The following GRHL3 variants were observed in gnomAD, a reference collection of about 807,000 sequenced individuals.
GRHL3 encodes the protein grainyhead like transcription factor 3.
In GRHL3, 20 loss-of-function variants were observed where a neutral mutation model predicts 70.3. The ratio of observed to expected loss-of-function variants is 0.28; its 90% CI spans 0.20 to 0.41. The LOEUF (loss-of-function observed/expected upper bound fraction) is 0.41, where lower values mean the gene tolerates loss of function less well. GRHL3 is among the 10% of genes least tolerant of loss of function. The pLI is 1.00. For synonymous variants in GRHL3, 299 were observed against 299.9 expected (o/e 1.00, Z 0.03); for missense variants, 637 against 762.3 (o/e 0.84, Z 1.94).
chr1:24,349,239 C>T (rs1391276026), intron 14 of GRHL3, among the ~76,000 whole-genome samples: 1 of 152,210 alleles, frequency 6.6e-6, no homozygotes, highest in African/African-American at 2.4e-5. Context: ...GGTCACTCAA[C>T]AAGCCTCTGA....
chr1:24,336,907 G>T, intron 4 of GRHL3, 80 bp downstream of exon 4: 2 of 1,341,986 alleles, frequency 1.5e-6, no homozygotes, highest in Non-Finnish European at 2.1e-6. Context: ...GAACAGATCA[G>T]AGCTTTGGAA....
Position 24,361,164 on chromosome 1 carries a change from G to A in GRHL3, c.1695-3021G>A, listed in dbSNP as rs75509295. The stretch of plus-strand genomic sequence containing the variant: ...CTGGAAGAGGACTGGTCACGGCACT[G>A]GGGCAGAGCCCTAGCTCCACTGGTA... On this transcript the variant is annotated intron_variant, in intron 15 of 15. Transcript: ENST00000350501. The A allele has an allele frequency of 2.0e-3, 1,602 of 816,566 alleles. 22 individuals are homozygous for A. The African/African-American group carries it at 0.025, about 13-fold the overall frequency. The allele number at this position is 816,566 out of a possible 1,614,324, so 50.6% of individuals were successfully genotyped here.
chr1:24,349,862 T>C (rs1640435437), intron 14 of GRHL3, among the ~76,000 whole-genome samples, 196 bp from the exon 15 acceptor site: 2 of 152,228 alleles, frequency 1.3e-5, no homozygotes, highest in Non-Finnish European at 2.9e-5. Context: ...GATGGGAAGA[T>C]GCACACCCAG....
intron 2 of GRHL3, 80 bp downstream of exon 2, chr1:24,331,692 C>A (rs963878211): frequency 8.2e-7 from 1 of 1,214,708 alleles, no homozygotes; most frequent in Non-Finnish European, 1.2e-6. Context: ...CAGCAGCCCA[C>A]CATGACCACC....
chr1:24,352,114 A>T (rs576594167), intron 15 of GRHL3, among the ~76,000 whole-genome samples: 1 of 151,672 alleles, frequency 6.6e-6, no homozygotes, highest in Admixed American at 6.6e-5. Context: ...CACCCCACAC[A>T]CCCCCACGGC....
At chr1:24,329,311 A>C (rs1342434792) in intron 1 of GRHL3, among the ~76,000 whole-genome samples, 2 of 152,030 alleles carry the variant, frequency 1.3e-5, no homozygotes, top group Non-Finnish European at 1.5e-5. Context: ...TGCTGTTCCC[A>C]CTGCAGTCTG....
intron 1 of GRHL3, chr1:24,319,905 G>A (rs1450586871): frequency 2.4e-6 from 1 of 412,434 alleles, no homozygotes; most frequent in African/African-American, 2.0e-5. Flanking sequence ...ATCCCATCGA[G>A]GCTTTCTATC....
Position 24,347,475 on chromosome 1 carries a change from G to C in GRHL3, c.1551G>C (p.Leu517=), listed in dbSNP as rs759828816. The change falls in exon 14 of 16, where the codon CTG becomes CTC. Residue 517 remains leucine (L), a synonymous_variant. Coordinates refer to ENST00000361548, the MANE Select transcript of GRHL3 (RefSeq NM_198173.3). ...AKEGDLQRVL[L]YVRRETEEVF... ...CTGGCCCTTGCTTTTCAGTTCTGCTGTATGTGCGGAGGGAGACTGAGGAGG... is the reference window on the plus strand; with the variant it reads ...CTGGCCCTTGCTTTTCAGTTCTGCTCTATGTGCGGAGGGAGACTGAGGAGG... 20 of 1,613,958 alleles carry C rather than the reference G, an allele frequency of 1.2e-5. No individual in the cohort carries two copies. Among genetic ancestry groups the C allele is most frequent in the Admixed American group, 3.3e-5 (2 of 60,008 alleles).
In GRHL3 at chr1:24,342,009, G is replaced by C; in HGVS notation, c.1048-106G>C. On this transcript the variant is annotated intron_variant, in intron 8 of 15. Transcript: ENST00000361548. The surrounding 1 kb of genome is among the most constrained non-coding windows in gnomAD (Gnocchi z 4.8). Reference sequence around the variant, plus strand: ...CTTCTAGGGGCCTAGTGAGGCTTAAGGGTGAGCAGCAGGCACACAGAAAGC... The same window carrying C: ...CTTCTAGGGGCCTAGTGAGGCTTAACGGTGAGCAGCAGGCACACAGAAAGC... 1 of 1,083,402 alleles carries C rather than the reference G, an allele frequency of 9.2e-7. No individual in the cohort carries two copies. Among genetic ancestry groups the C allele is most frequent in the Non-Finnish European group, 1.3e-6 (1 of 753,956 alleles). The allele number at this position is 1,083,402 out of a possible 1,614,324, so 67.1% of individuals were successfully genotyped here.
downstream of GRHL3, chr1:24,357,487 T>C (rs182689630): frequency 6.5e-6 from 1 of 152,892 alleles, no homozygotes; most frequent in Non-Finnish European, 1.5e-5. Flanking sequence ...TAAATCAGCA[T>C]TTGTGGGTGG....
In GRHL3 at chr1:24,361,034, G is replaced by T. The variant is rs778622982; in HGVS notation, c.1695-3151G>T. On this transcript the variant is annotated intron_variant, in intron 15 of 15. Transcript: ENST00000350501. ...GGCTGAGCAGAGAAGTTCAGGATGG[G>T]GTTTTTCCTTTGGGAAAGATAAAAC... 4.4e-6 allele frequency: 7 copies of T among 1,604,558 alleles called. No homozygotes were observed. The highest frequency in any genetic ancestry group is 5.1e-6 in the Non-Finnish European group (6 of 1,175,156).
intron 15 of GRHL3, among the ~76,000 whole-genome samples, chr1:24,351,146 G>A (rs569270344): frequency 3.3e-5 from 5 of 152,334 alleles, no homozygotes; most frequent in South Asian, 2.1e-4. Context: ...TAACTCGAGC[G>A]ACATTTGCTA....
chr1:24,339,000 C>T lies in GRHL3; in HGVS notation c.953-668C>T, dbSNP rs898791766. On this transcript the variant is annotated intron_variant, in intron 7 of 15. Transcript: ENST00000361548. ...TACTTTTGCTACTGCTCTTACTCCC[C>T]CTATTACTGTTGTTATTACCATACT... Among the ~76,000 whole-genome samples the T allele has an allele frequency of 3.3e-5, 5 of 152,198 alleles. No homozygotes were observed. In the East Asian group the frequency reaches 9.6e-4, roughly 29 times the overall value.
chr1:24,361,131 CA>C, intron 15 of GRHL3: 1 of 1,218,938 alleles, frequency 8.2e-7, no homozygotes, highest in Non-Finnish European at 1.1e-6. Flanking sequence ...TGCACAGCAG[CA>C]AGCTGTCTGG....
chr1:24,324,438 G>A (rs1043309858), intron 1 of GRHL3, among the ~76,000 whole-genome samples: 2 of 152,208 alleles, frequency 1.3e-5, no homozygotes, highest in African/African-American at 4.8e-5. Context: ...AAAAGGCTGT[G>A]AATTGTGCAG....
intron 15 of GRHL3, chr1:24,360,961 T>A: frequency 1.2e-6 from 2 of 1,614,042 alleles, no homozygotes; most frequent in South Asian, 2.2e-5. Flanking sequence ...GTCCACGATC[T>A]CATACTGACC....
Position 24,342,900 on chromosome 1 carries a change from G to T in GRHL3, c.1294G>T (p.Gly432Cys), listed in dbSNP as rs149807585. 3.0e-5 allele frequency: 49 copies of T among 1,614,076 alleles called. No homozygotes were observed. Among genetic ancestry groups the T allele is most frequent in the Non-Finnish European group, 4.1e-5 (48 of 1,180,044 alleles). ...CTTCCTTCTCCCATCAGGCGTCAAG[G>T]GCTGCCTGCTGTCGGGCTTCAGGGG... is the stretch of plus-strand genomic sequence containing the variant. ...CPDSSNSGVK[G>C]CLLSGFRGNE... Residue 432 changes from glycine (G) to cysteine (C), a missense_variant, in exon 11 of 16, where the codon GGC becomes TGC. Gly to Cys is a radical substitution (Grantham distance 159). This residue lies in a region of GRHL3 where 387 missense variants were observed against 513.8 expected (regional missense o/e 0.75). Coordinates refer to ENST00000361548, the MANE Select transcript of GRHL3 (RefSeq NM_198173.3). This position sits in a 1 kb window ranked among gnomAD's most constrained non-coding sequence, Gnocchi z 4.8.
Position 24,320,806 on chromosome 1 carries a change from G to A in GRHL3, c.17+1238G>A, listed in dbSNP as rs959409577. On this transcript the variant is annotated intron_variant, in intron 1 of 15. Coordinates refer to ENST00000361548, the MANE Select transcript of GRHL3 (RefSeq NM_198173.3). ...TTGGACCGCAATGAGAATAAGAGCA[G>A]GAGCATTGGTACTGACACCTGGGTT... Among the ~76,000 whole-genome samples the A allele has an allele frequency of 2.0e-5, 3 of 152,184 alleles. No homozygotes were observed. The South Asian group carries it at 6.2e-4, about 31-fold the overall frequency.
At chr1:24,323,238 CTG>C in intron 1 of GRHL3, 1 of 691,648 alleles carries the variant, frequency 1.4e-6, no homozygotes, top group Non-Finnish European at 2.6e-6. Flanking sequence ...TGTTCTCAAA[CTG>C]TGGTCCGTGG....
Sources: gnomAD v4.1 joint callset for allele counts (sites outside exome capture counted in the v4.1 genomes callset) on GRCh38, gnomAD v4.1.1 for gene constraint, gnomAD v4.1.1 regional missense constraint, Gnocchi (gnomAD v3.1) non-coding constraint, MANE v1.5 for transcripts, NCBI Gene and HGNC (gene_info 2026-07-23, HGNC 2026-07-21) for gene names.